ITSN2: variants seen among roughly 807,000 people sequenced by gnomAD.
The protein encoded by ITSN2 is intersectin-2.
ITSN2 carries 156 observed loss-of-function variants against 243.7 expected under a neutral mutation model. That is an observed-to-expected ratio of 0.64 (90% CI 0.56 to 0.73). The LOEUF (loss-of-function observed/expected upper bound fraction) is 0.73. Among genes scored for constraint, ITSN2 ranks in the 30% least tolerant of loss-of-function variants. The probability of loss-of-function intolerance (pLI) is 0.00; values close to 1 mark genes in which losing one functional copy is unlikely to be tolerated. For missense variants in ITSN2, 1,801 were observed against 1,996.1 expected, an observed-to-expected ratio of 0.90 and a Z score of 1.86; for synonymous variants, 703 against 699.9, an observed-to-expected ratio of 1.00 and a Z score of -0.07.
Position 24,281,599 on chromosome 2 carries a change from A to G in ITSN2, c.1944+3164T>C, listed in dbSNP as rs78036898. ...TAAACAGCTGAACATTGGTGAGGCA[A>G]AATCACACAATTAGGCATACTGTTT... On this transcript the variant is annotated intron_variant, in intron 17 of 39. Coordinates refer to ENST00000355123, the MANE Select transcript of ITSN2 (RefSeq NM_006277.3). Among the ~76,000 whole-genome samples, 170 of 152,352 alleles carry G rather than the reference A, an allele frequency of 1.1e-3. 2 individuals carry two copies. The East Asian group carries it at 0.016, about 14-fold the overall frequency.
At position 24,270,757 on chromosome 2, in the gene ITSN2, T is replaced by C. The variant is rs1457211238; in HGVS notation, c.2269A>G (p.Ser757Gly). The C allele has an allele frequency of 1.3e-6, 2 of 1,571,636 alleles. No homozygotes were observed. Among genetic ancestry groups the C allele is most frequent in the African/African-American group, 1.4e-5 (1 of 73,840 alleles). ...AATGCTCTATAATTCACCAAAACACTAGCTGTCTCACCTAAAGAGAAGACA... is the reference window on the plus strand; with the variant it reads ...AATGCTCTATAATTCACCAAAACACCAGCTGTCTCACCTAAAGAGAAGACA... ...KAEEKKRETASVLVNYRALYP... is the reference protein window; with the variant it reads ...KAEEKKRETAGVLVNYRALYP... Residue 757 changes from serine to glycine, a missense_variant, in exon 20 of 40, where the codon AGT (serine) becomes GGT (glycine). Physicochemically the swap from Ser to Gly is moderately conservative, Grantham distance 56. Around this residue, in one of 5 missense-constraint regions of ITSN2, gnomAD observed 787 missense variants for 803.9 expected, o/e 0.98. Transcript: ENST00000355123.
chr2:24,259,558 T>C (rs1437456529), intron 22 of ITSN2, among the ~76,000 whole-genome samples: 1 of 152,196 alleles, frequency 6.6e-6, no homozygotes, highest in Non-Finnish European at 1.5e-5. Flanking sequence ...AACCTCAACC[T>C]CTCTCTCCAA....
chr2:24,334,961 G>A (rs929323787), intron 1 of ITSN2: 6 of 358,730 alleles, frequency 1.7e-5, no homozygotes, highest in African/African-American at 1.1e-4. Context: ...TACTCGGGAG[G>A]CTGAGGCAGG....
At chr2:24,255,963 G>T (rs1674978061) in intron 23 of ITSN2, among the ~76,000 whole-genome samples, 1 of 152,202 alleles carries the variant, frequency 6.6e-6, no homozygotes, top group Admixed American at 6.5e-5. Flanking sequence ...TGAGGCAGGA[G>T]AATCGCTTGA....
At position 24,209,811 on chromosome 2, in the gene ITSN2, TACTC is replaced by T. The variant is rs1669293943; in HGVS notation, c.4473+3_4473+6del. The T allele has an allele frequency of 6.2e-7, 1 of 1,610,902 alleles. No individual in the cohort carries two copies. Among genetic ancestry groups the T allele is most frequent in the Admixed American group, 1.7e-5 (1 of 60,002 alleles). On this transcript the variant is annotated splice_donor_5th_base_variant and intron_variant, in intron 35 of 39. Coordinates refer to ENST00000355123, the MANE Select transcript of ITSN2 (RefSeq NM_006277.3). ...CCTGATGCTACCCCCAGACGCGTGA[TACTC>T]ACCGTTTTATACATTTTGAATTGAG...
chr2:24,296,040 G>C (rs1288288160), intron 13 of ITSN2, among the ~76,000 whole-genome samples: 2 of 152,224 alleles, frequency 1.3e-5, no homozygotes, highest in South Asian at 2.1e-4. Context: ...GTATGGGAAA[G>C]CAGAAACATA....
rs531538615 is a variant in ITSN2 at position 24,249,479 on chromosome 2, T to C, written c.3121-597A>G. Among the ~76,000 whole-genome samples, 2 of 152,302 alleles carry C rather than the reference T, an allele frequency of 1.3e-5. No homozygotes were observed. Among genetic ancestry groups the C allele is most frequent in the African/African-American group, 2.4e-5 (1 of 41,564 alleles). ...AACCACATTTCCTCTTTATAGGAAT[T>C]TGAACAACAAAAGGGATGGGATTAA... On this transcript the variant is annotated intron_variant, in intron 25 of 39. Transcript: ENST00000355123. The surrounding 1 kb of genome is among the most constrained non-coding windows in gnomAD (Gnocchi z 4.4).
chr2:24,314,798 GA>G (rs201728428), intron 3 of ITSN2, among the ~76,000 whole-genome samples: 2 of 149,138 alleles, frequency 1.3e-5, no homozygotes, highest in South Asian at 4.2e-4. Context: ...ACAGATTCCA[GA>G]AAAAAAAAGT....
chr2:24,301,990 G>A lies in ITSN2; in HGVS notation c.970C>T (p.Pro324Ser), dbSNP rs1311017045. Residue 324 changes from proline (P) to serine (S), a missense_variant, in exon 10 of 40, where the codon CCT (proline) becomes TCT (serine). By Grantham distance (74) the Pro-to-Ser change is moderately conservative (BLOSUM62 -1). Around this residue, in one of 5 missense-constraint regions of ITSN2, gnomAD observed 787 missense variants for 803.9 expected, o/e 0.98. Coordinates refer to ENST00000355123, the MANE Select transcript of ITSN2 (RefSeq NM_006277.3). Reference protein sequence around the residue: ...AGQPLPLTLPPELVPPSFRGG... With the variant: ...AGQPLPLTLPSELVPPSFRGG... ...CTGAAAGATGGAGGAACAAGCTCAG[G>A]AGGTAAAGTCAGTGGTAATGGCTGT... 6.2e-7 allele frequency: 1 copy of A among 1,611,336 alleles called. No individual in the cohort carries two copies. The highest frequency in any genetic ancestry group is 8.5e-7 in the Non-Finnish European group (1 of 1,178,532).
intron 29 of ITSN2, among the ~76,000 whole-genome samples, chr2:24,245,177 C>T (rs192191786): frequency 1.1e-4 from 17 of 152,188 alleles, no homozygotes; most frequent in East Asian, 3.9e-4. Context: ...ACCAAAAGAA[C>T]GGCTAGATAA....
At chr2:24,218,072 G>T in intron 30 of ITSN2, 59 bp from the exon 31 acceptor site, 2 of 1,079,770 alleles carry the variant, frequency 1.9e-6, no homozygotes, top group Non-Finnish European at 2.8e-6. Flanking sequence ...GCCTACGTGT[G>T]GTCTAAATCA....
chr2:24,233,074 AAAG>A (rs1402237959), intron 29 of ITSN2, among the ~76,000 whole-genome samples: 2 of 152,238 alleles, frequency 1.3e-5, no homozygotes, highest in Non-Finnish European at 1.5e-5. Flanking sequence ...AGCCAGTTCC[AAAG>A]AGACTGTTCC....
chr2:24,205,118 G>T, intron 38 of ITSN2, 96 bp downstream of exon 38: 1 of 998,188 alleles, frequency 1.0e-6, no homozygotes, highest in Non-Finnish European at 1.6e-6. Context: ...CTGCACTCCA[G>T]CCTAGGTTAT....
chr2:24,315,497 T>A (rs944172055), intron 2 of ITSN2, among the ~76,000 whole-genome samples: 1 of 152,158 alleles, frequency 6.6e-6, no homozygotes, highest in Non-Finnish European at 1.5e-5. Context: ...AAGAAAATAT[T>A]CCCACCCTCA....
Position 24,333,380 on chromosome 2 carries a change from G to A in ITSN2, c.-33-5265C>T, listed in dbSNP as rs117394969. 2.3e-3 allele frequency among the ~76,000 whole-genome samples: 355 copies of A among 152,248 alleles called. 10 individuals are homozygous for A. In the East Asian group the frequency reaches 0.053, roughly 23 times the overall value. The stretch of plus-strand genomic sequence containing the variant: ...ATCTCTTGGTATAACTCTCTGAAAG[G>A]AAGAAAAGGGTAACCAGCATCTCCC... On this transcript the variant is annotated intron_variant, in intron 1 of 39. Transcript: ENST00000355123.
intron 29 of ITSN2, among the ~76,000 whole-genome samples, chr2:24,228,516 A>T (rs895150444): frequency 4.6e-5 from 7 of 152,252 alleles, no homozygotes; most frequent in Non-Finnish European, 1.0e-4. Context: ...TAAAACACAA[A>T]AATGTAATAA....
intron 17 of ITSN2, among the ~76,000 whole-genome samples, chr2:24,281,147 G>A (rs1678723468): frequency 6.6e-6 from 1 of 152,160 alleles, no homozygotes. Flanking sequence ...TCCTGCCTCA[G>A]CCTCCCGAGT....
In ITSN2 at chr2:24,301,920, G is replaced by A. The variant is rs765089083; in HGVS notation, c.995+45C>T. 15 of 1,543,482 alleles carry A rather than the reference G, an allele frequency of 9.7e-6. No homozygotes were observed. In the East Asian group the frequency reaches 3.1e-4, roughly 32 times the overall value. Reference sequence around the variant, plus strand: ...TTTAACTCTCTTCTAAATCACATCTGCCAAGTTATCAAAACCATAGTTCTC... The same window carrying A: ...TTTAACTCTCTTCTAAATCACATCTACCAAGTTATCAAAACCATAGTTCTC... On this transcript the variant is annotated intron_variant, in intron 10 of 39. Transcript: ENST00000355123.
At chr2:24,231,200 T>C (rs1671555646) in intron 29 of ITSN2, among the ~76,000 whole-genome samples, 1 of 152,208 alleles carries the variant, frequency 6.6e-6, no homozygotes, top group African/African-American at 2.4e-5. Flanking sequence ...TTTTCTAAGA[T>C]GCTACACACT....
Sources: allele counts gnomAD v4.1 joint callset (sites outside exome capture counted in the v4.1 genomes callset), GRCh38; gene constraint gnomAD v4.1.1; regional missense constraint gnomAD v4.1.1; non-coding constraint Gnocchi (gnomAD v3.1); transcripts MANE v1.5; gene names NCBI Gene and HGNC (gene_info 2026-07-23, HGNC 2026-07-21).